Variants in CERS3 observed in about 807,000 individuals in gnomAD.
The protein encoded by CERS3 is ceramide synthase 3.
CERS3 carries 33 observed loss-of-function variants against 50.3 expected under a neutral mutation model. The ratio of observed to expected loss-of-function variants is 0.66; its 90% CI spans 0.50 to 0.88. CERS3 has a LOEUF of 0.88. Among genes scored for constraint, CERS3 ranks in the 40% least tolerant of loss-of-function variants. The probability of loss-of-function intolerance (pLI) is 0.00; values close to 1 mark genes in which losing one functional copy is unlikely to be tolerated. For missense variants in CERS3, 470 were observed against 460.3 expected (o/e 1.02, Z -0.19); for synonymous variants, 176 against 155.2 (o/e 1.13, Z -0.99).
intron 11 of CERS3, among the ~76,000 whole-genome samples, chr15:100,413,367 G>T (rs2031631738): frequency 6.6e-6 from 1 of 151,996 alleles, no homozygotes; most frequent in East Asian, 1.9e-4. Flanking sequence ...TTGAAATGAA[G>T]TTTGTTTCAA....
intron 10 of CERS3, among the ~76,000 whole-genome samples, chr15:100,467,842 T>G (rs1398063367): frequency 3.0e-4 from 12 of 40,128 alleles, no homozygotes; most frequent in African/African-American, 5.7e-4. Flanking sequence ...TACGTGTATA[T>G]ATATATATAT....
intron 11 of CERS3, among the ~76,000 whole-genome samples, chr15:100,437,387 GA>G (rs2033467300): frequency 6.6e-6 from 1 of 152,196 alleles, no homozygotes; most frequent in South Asian, 2.1e-4. Context: ...GGATGTTACA[GA>G]CTTTGTGTTC....
intron 11 of CERS3, among the ~76,000 whole-genome samples, chr15:100,425,249 A>G (rs984930424): frequency 6.6e-6 from 1 of 152,202 alleles, no homozygotes; most frequent in Non-Finnish European, 1.5e-5. Context: ...GAAGAGGGCC[A>G]CAGTCCCCCA....
intron 11 of CERS3, among the ~76,000 whole-genome samples, chr15:100,432,718 C>T (rs1045752332): frequency 2.0e-5 from 3 of 152,044 alleles, no homozygotes; most frequent in South Asian, 2.1e-4. Context: ...TTAGGAGGTA[C>T]GTTCGAAAGA....
chr15:100,455,938 C>T lies in CERS3; in HGVS notation c.954G>A (p.Trp318Ter), dbSNP rs536658950. 5 of 1,612,826 alleles carry T rather than the reference C, an allele frequency of 3.1e-6. No homozygotes were observed. The highest frequency in any genetic ancestry group is 1.3e-5 in the African/African-American group (1 of 74,892). ...LMILQVLHLY[W>*]GYYILKMLNR... ...TGAGCATCTTCAAGATGTAATAACC[C>T]CAGTAAAGGTGAAGGACCTGCAAGA... is the stretch of plus-strand genomic sequence containing the variant. Residue 318 changes from tryptophan (W) to a stop codon, truncating the protein, a stop_gained, in exon 11 of 12, where the codon TGG (tryptophan) becomes TGA (stop). Coordinates refer to ENST00000679737, the MANE Select transcript of CERS3 (RefSeq NM_001378789.1). LOFTEE classifies it high-confidence loss of function.
At chr15:100,504,883 G>T (rs1479481963) in intron 2 of CERS3, among the ~76,000 whole-genome samples, 1 of 152,202 alleles carries the variant, frequency 6.6e-6, no homozygotes, top group African/African-American at 2.4e-5. Context: ...GGGGAATTTA[G>T]AGAAATCTAT....
intron 11 of CERS3, among the ~76,000 whole-genome samples, chr15:100,415,925 G>C (rs1192993794): frequency 6.7e-6 from 1 of 149,784 alleles, no homozygotes; most frequent in Non-Finnish European, 1.5e-5. Flanking sequence ...AAACCTACAT[G>C]TTCTGCATCT....
rs566276848 is a variant in CERS3, at chr15:100,443,954, G to A, written c.999+11939C>T. Among the ~76,000 whole-genome samples the A allele has an allele frequency of 2.1e-4, 32 of 152,194 alleles. 1 individual carries two copies. In the South Asian group the frequency reaches 2.9e-3, roughly 14 times the overall value. ...AAATCCTTTCCCCACTCCTCTTTCC[G>A]TTCCTTGAAGACAGCTTTAGAGACT... is the stretch of plus-strand genomic sequence containing the variant. On this transcript the variant is annotated intron_variant, in intron 11 of 11. Transcript: ENST00000679737.
intron 10 of CERS3, among the ~76,000 whole-genome samples, chr15:100,457,423 T>G (rs959697115): frequency 6.6e-6 from 1 of 152,218 alleles, no homozygotes; most frequent in African/African-American, 2.4e-5. Context: ...AATGGAATCA[T>G]ACGTTGTGTG....
At chr15:100,475,201 G>C (rs1010224107) in intron 8 of CERS3, among the ~76,000 whole-genome samples, 1 of 152,186 alleles carries the variant, frequency 6.6e-6, no homozygotes, top group South Asian at 2.1e-4. Flanking sequence ...TGGAAATGGA[G>C]ATTATTTCTA....
Position 100,446,196 on chromosome 15 carries a change from G to T in CERS3, c.999+9697C>A, listed in dbSNP as rs192381396. Among the ~76,000 whole-genome samples the T allele has an allele frequency of 1.3e-5, 2 of 152,126 alleles. 1 individual carries two copies. Among genetic ancestry groups the T allele is most frequent in the Admixed American group, 1.3e-4 (2 of 15,286 alleles). On this transcript the variant is annotated intron_variant, in intron 11 of 11. Transcript: ENST00000679737. ...TTTGGTGGTCTCTTCACACAGACGTGCATGAAAACAACTTTTTCAGAGATC... is the reference window on the plus strand; with the variant it reads ...TTTGGTGGTCTCTTCACACAGACGTTCATGAAAACAACTTTTTCAGAGATC...
chr15:100,401,861 T>A lies in CERS3; in HGVS notation c.*852A>T, dbSNP rs2142034244. On this transcript the variant is annotated 3_prime_UTR_variant, in exon 12 of 12. Transcript: ENST00000679737. The stretch of plus-strand genomic sequence containing the variant: ...GACAGGAAGGAACAGGGCCTAAGCT[T>A]CCTTCCTTGAACCATGGGTCCTGAG... The A allele has an allele frequency of 6.6e-6, 1 of 152,380 alleles. No homozygotes were observed. The highest frequency in any genetic ancestry group is 2.1e-4 in the South Asian group (1 of 4,826). The allele number at this position is 152,380 out of a possible 1,614,324, so 9.4% of individuals were successfully genotyped here.
intron 8 of CERS3, among the ~76,000 whole-genome samples, chr15:100,473,775 G>A (rs533691847): frequency 3.9e-4 from 59 of 152,282 alleles, no homozygotes; most frequent in Non-Finnish European, 8.1e-4. Flanking sequence ...ATTACCATAT[G>A]GCCCAGCAAT....
chr15:100,472,821 C>T, intron 9 of CERS3, 103 bp downstream of exon 9: 3 of 1,398,836 alleles, frequency 2.1e-6, no homozygotes, highest in East Asian at 4.6e-5. Flanking sequence ...TGGGTGTTTT[C>T]AGGACACAGA....
At chr15:100,447,644 C>T (rs775224291) in intron 11 of CERS3, among the ~76,000 whole-genome samples, 6 of 152,212 alleles carry the variant, frequency 3.9e-5, no homozygotes, top group Non-Finnish European at 8.8e-5. Flanking sequence ...TTTTCACTTG[C>T]TTTAAAGGCT....
intron 8 of CERS3, among the ~76,000 whole-genome samples, chr15:100,473,915 T>C (rs1053365024): frequency 2.6e-5 from 4 of 152,172 alleles, no homozygotes; most frequent in Non-Finnish European, 4.4e-5. Flanking sequence ...ATGAATAAAA[T>C]GCATCCATCC....
chr15:100,483,784 A>T (rs55863429), intron 5 of CERS3, among the ~76,000 whole-genome samples: 49,731 of 87,392 alleles, frequency 0.57, 12,717 homozygotes, highest in East Asian at 0.77. Context: ...AATTATTATT[A>T]TTATTTTTTT....
upstream of CERS3, among the ~76,000 whole-genome samples, chr15:100,532,508 G>A (rs370974822): frequency 9.9e-5 from 15 of 152,248 alleles, no homozygotes; most frequent in East Asian, 1.2e-3. Flanking sequence ...GCTCATGCCT[G>A]TAATCCCAGC....
chr15:100,518,519 G>A (rs2036556229), intron 2 of CERS3, among the ~76,000 whole-genome samples: 1 of 152,184 alleles, frequency 6.6e-6, no homozygotes, highest in South Asian at 2.1e-4. Context: ...GTTTGAAAAT[G>A]TAACATATTA....
Sources: gnomAD v4.1 joint callset for allele counts (sites outside exome capture counted in the v4.1 genomes callset) on GRCh38, gnomAD v4.1.1 for gene constraint, MANE v1.5 for transcripts, NCBI Gene and HGNC (gene_info 2026-07-23, HGNC 2026-07-21) for gene names.